Variants in SH2D4A observed in about 807,000 individuals in gnomAD.
SH2D4A encodes SH2 domain containing 4A.
A neutral mutation model predicts 64.7 loss-of-function variants in SH2D4A; 70 were observed. The ratio of observed to expected loss-of-function variants is 1.08; its 90% confidence interval spans 0.89 to 1.32. The LOEUF (loss-of-function observed/expected upper bound fraction) is 1.32. SH2D4A is among the 40% of genes most tolerant of loss of function. The pLI, the probability that SH2D4A is intolerant of heterozygous loss-of-function variation, is 0.00. For synonymous variants in SH2D4A, 268 were observed against 200.7 expected, an observed-to-expected ratio of 1.34 and a Z score of -2.83; for missense variants, 706 against 540.1, an observed-to-expected ratio of 1.31 and a Z score of -3.04.
intron 4 of SH2D4A, among the ~76,000 whole-genome samples, chr8:19,347,063 T>G (rs2052624391): frequency 6.6e-6 from 1 of 152,228 alleles, no homozygotes; most frequent in South Asian, 2.1e-4. Context: ...GTAAAATAGC[T>G]GGCTTGTCCT....
chr8:19,378,369 T>C (rs2064355800), intron 8 of SH2D4A, among the ~76,000 whole-genome samples: 1 of 152,206 alleles, frequency 6.6e-6, no homozygotes, highest in East Asian at 1.9e-4. Flanking sequence ...AGAATAGACA[T>C]GGAGACTCTA....
intron 8 of SH2D4A, among the ~76,000 whole-genome samples, chr8:19,379,417 G>A (rs572194559): frequency 1.3e-5 from 2 of 152,282 alleles, no homozygotes; most frequent in Admixed American, 6.5e-5. Flanking sequence ...CCCATTATCT[G>A]TTGATGCACT....
Position 19,373,564 on chromosome 8 carries a change from G to A in SH2D4A, c.952G>A (p.Ala318Thr). The A allele has an allele frequency of 6.2e-7, 1 of 1,613,058 alleles. No homozygotes were observed. Among genetic ancestry groups the A allele is most frequent in the Non-Finnish European group, 8.5e-7 (1 of 1,179,540 alleles). ...QGVVRTLSSS[A>T]QEDIIRWFKE... ...AGTGGTGAGGACACTGTCCAGCTCTGCCCAAGAGGACATCATCCGGTGGTT... is the reference window on the plus strand; with the variant it reads ...AGTGGTGAGGACACTGTCCAGCTCTACCCAAGAGGACATCATCCGGTGGTT... The change falls in exon 8 of 10, where the codon GCC (alanine) becomes ACC (threonine). Residue 318 changes from alanine (A) to threonine (T), a missense_variant. Ala to Thr is a moderately conservative substitution (Grantham distance 58, BLOSUM62 0). Transcript: ENST00000265807.
chr8:19,393,887 G>C (rs2053542008), intron 9 of SH2D4A, among the ~76,000 whole-genome samples: 1 of 152,222 alleles, frequency 6.6e-6, no homozygotes, highest in Non-Finnish European at 1.5e-5. Context: ...CATGGACTCA[G>C]TGTTGGGGGA....
At chr8:19,328,992 C>G (rs955260933) in intron 2 of SH2D4A, among the ~76,000 whole-genome samples, 7 of 152,200 alleles carry the variant, frequency 4.6e-5, no homozygotes, top group African/African-American at 7.2e-5. Context: ...CCACATGGCT[C>G]TCTGCTCCCC....
At chr8:19,363,556 A>AT (rs1436294910) in intron 6 of SH2D4A, among the ~76,000 whole-genome samples, 1 of 151,930 alleles carries the variant, frequency 6.6e-6, no homozygotes, top group Non-Finnish European at 1.5e-5. Flanking sequence ...CATCCCTTTA[A>AT]TTTTTTGTCT....
chr8:19,341,689 A>G (rs1328949071), intron 4 of SH2D4A, among the ~76,000 whole-genome samples: 1 of 152,086 alleles, frequency 6.6e-6, no homozygotes, highest in Non-Finnish European at 1.5e-5. Context: ...TAAAAAACAC[A>G]AAAATTAGTC....
In SH2D4A at chr8:19,394,516, T is replaced by G; in HGVS notation, c.1273-34T>G. 2.7e-6 allele frequency: 4 copies of G among 1,505,566 alleles called. No individual in the cohort carries two copies. The South Asian group carries it at 4.8e-5, about 18-fold the overall frequency. 93.3% of individuals were successfully genotyped at this position (1,505,566 alleles called of 1,614,324 possible). A position where few individuals can be genotyped will look rare whatever the true frequency, so the allele number is the denominator to read the frequency against. ...GTAGGAAGAGCATGTGGTCACTACT[T>G]ACACTATCTGACCCCGTGCCTTCTG... On this transcript the variant is annotated intron_variant, in intron 9 of 9. Transcript: ENST00000265807.
chr8:19,394,745 C>A lies in SH2D4A; in HGVS notation c.*103C>A. 2 of 689,058 alleles carry A rather than the reference C, an allele frequency of 2.9e-6. No individual in the cohort carries two copies. Among genetic ancestry groups the A allele is most frequent in the East Asian group, 3.0e-5 (1 of 32,788 alleles). 42.7% of individuals were successfully genotyped at this position (689,058 alleles called of 1,614,324 possible). On this transcript the variant is annotated 3_prime_UTR_variant, in exon 10 of 10. Transcript: ENST00000265807. ...AAGCCAAAATCACCCTGCAGCAGAG[C>A]CAATACTGATCAACTGAAAGTAAAG...
At chr8:19,334,275 C>G (rs1585153940) in intron 3 of SH2D4A, among the ~76,000 whole-genome samples, 1 of 152,130 alleles carries the variant, frequency 6.6e-6, no homozygotes, top group Non-Finnish European at 1.5e-5. Flanking sequence ...TGGGATGCTG[C>G]CCACTAGTGC....
At chr8:19,345,037 G>A (rs1262663933) in intron 4 of SH2D4A, among the ~76,000 whole-genome samples, 1 of 152,190 alleles carries the variant, frequency 6.6e-6, no homozygotes, top group Non-Finnish European at 1.5e-5. Context: ...GTGGTCAGAA[G>A]AACTGGATTT....
intron 7 of SH2D4A, among the ~76,000 whole-genome samples, chr8:19,369,485 C>G (rs186316423): frequency 6.6e-6 from 1 of 151,856 alleles, no homozygotes; most frequent in Non-Finnish European, 1.5e-5. Flanking sequence ...TTTGATAGGA[C>G]ACTTTATTAA....
chr8:19,313,937 C>T (rs541130447), intron 1 of SH2D4A, 114 bp downstream of exon 1: 18 of 1,280,972 alleles, frequency 1.4e-5, no homozygotes, highest in Non-Finnish European at 5.9e-6. Context: ...GGGGCCAGAG[C>T]GGGCGGGCGG....
chr8:19,346,786 G>A (rs2052620314), intron 4 of SH2D4A, among the ~76,000 whole-genome samples: 1 of 152,114 alleles, frequency 6.6e-6, no homozygotes, highest in African/African-American at 2.4e-5. Flanking sequence ...TTGTCTGATG[G>A]AAGCAGCAAC....
At chr8:19,318,065 T>C (rs867126786) in intron 1 of SH2D4A, among the ~76,000 whole-genome samples, 28 of 152,076 alleles carry the variant, frequency 1.8e-4, no homozygotes, top group African/African-American at 6.8e-4. Context: ...CATGCCCAGC[T>C]AATTTCTGTA....
chr8:19,335,006 A>C, intron 4 of SH2D4A, 149 bp downstream of exon 4: 1 of 970,254 alleles, frequency 1.0e-6, no homozygotes, highest in Non-Finnish European at 1.5e-6. Flanking sequence ...CCTCCAGGGC[A>C]GGCACGGTGG....
At chr8:19,352,096 A>G (rs1409676451) in intron 4 of SH2D4A, among the ~76,000 whole-genome samples, 2 of 152,202 alleles carry the variant, frequency 1.3e-5, no homozygotes, top group African/African-American at 4.8e-5. Flanking sequence ...AACCCTACTT[A>G]TAAACAAAGG....
At chr8:19,335,463 A>G (rs985749395) in intron 4 of SH2D4A, among the ~76,000 whole-genome samples, 18 of 152,192 alleles carry the variant, frequency 1.2e-4, no homozygotes, top group Admixed American at 1.1e-3. Context: ...CTGCCCCATT[A>G]TATGTCTTCT....
rs192196897 is a variant in SH2D4A, at chr8:19,380,281, A to G, written c.1048+6621A>G. Among the ~76,000 whole-genome samples, 332 of 152,290 alleles carry G rather than the reference A, an allele frequency of 2.2e-3. 4 individuals are homozygous for G. The highest frequency in any genetic ancestry group is 0.019 in the East Asian group (98 of 5,184). ...ATATTCTGGGTATCAATCCTTTATTAGATATCTAATTTAAAAATATTTTCG... is the reference window on the plus strand; with the variant it reads ...ATATTCTGGGTATCAATCCTTTATTGGATATCTAATTTAAAAATATTTTCG... On this transcript the variant is annotated intron_variant, in intron 8 of 9. Coordinates refer to ENST00000265807, the MANE Select transcript of SH2D4A (RefSeq NM_022071.4).
Sources: gnomAD v4.1 joint callset for allele counts (sites outside exome capture counted in the v4.1 genomes callset) on GRCh38, gnomAD v4.1.1 for gene constraint, MANE v1.5 for transcripts, NCBI Gene and HGNC (gene_info 2026-07-23, HGNC 2026-07-21) for gene names.